The following PIBF1 variants were observed in gnomAD, a reference collection of about 807,000 sequenced individuals.
The protein encoded by PIBF1 is progesterone immunomodulatory binding factor 1.
Under a neutral mutation model 112.5 loss-of-function variants are expected in PIBF1, and 90 were observed. That is an observed-to-expected ratio of 0.80 (90% confidence interval 0.67 to 0.95). The LOEUF (loss-of-function observed/expected upper bound fraction) is 0.95. Ranked by LOEUF, PIBF1 falls within the 40% of genes least tolerant of loss-of-function variation. The pLI is 0.00. For synonymous variants in PIBF1, 301 were observed against 288.6 expected (o/e 1.04, Z -0.44); for missense variants, 915 against 852.3 (o/e 1.07, Z -0.92).
At chr13:73,013,864 G>A (rs778729787) in intron 17 of PIBF1, among the ~76,000 whole-genome samples, 1 of 152,056 alleles carries the variant, frequency 6.6e-6, no homozygotes, top group Non-Finnish European at 1.5e-5. Flanking sequence ...CAAGGAAAGA[G>A]TGGAGTGAAA....
intron 16 of PIBF1, among the ~76,000 whole-genome samples, chr13:72,991,837 G>A (rs1162646130): frequency 6.6e-6 from 1 of 151,832 alleles, no homozygotes; most frequent in Non-Finnish European, 1.5e-5. Context: ...TCCTGCCTCA[G>A]CCTCCCGAGT....
Position 72,973,627 on chromosome 13 carries a change from G to A in PIBF1, c.2001G>A (p.Thr667=), listed in dbSNP as rs753624727. 8.9e-6 allele frequency: 14 copies of A among 1,575,624 alleles called. No homozygotes were observed. In the Admixed American group the frequency reaches 1.5e-4, roughly 17 times the overall value. The change falls in exon 16 of 18, where the codon ACG becomes ACA. Residue 667 remains threonine, a synonymous_variant. Transcript: ENST00000326291. The part of the protein sequence containing the change: ...LNKEKSALLQ[T]KNQMALDLEQ... Reference sequence around the variant, plus strand: ...AAGAAAAGTCAGCTTTACTACAGACGAAGAATCAAATGGCATTAGATTTAG... The same window carrying A: ...AAGAAAAGTCAGCTTTACTACAGACAAAGAATCAAATGGCATTAGATTTAG...
intron 10 of PIBF1, among the ~76,000 whole-genome samples, chr13:72,886,336 G>T (rs982374823): frequency 6.6e-6 from 1 of 151,794 alleles, no homozygotes; most frequent in Non-Finnish European, 1.5e-5. Context: ...AATACTCTTG[G>T]TTCGGAGGAT....
chr13:72,948,757 AAAC>A (rs1475178754), intron 14 of PIBF1, among the ~76,000 whole-genome samples: 1 of 152,212 alleles, frequency 6.6e-6, no homozygotes, highest in Admixed American at 6.5e-5. Context: ...AAGGGTAAGC[AAAC>A]AACATGTCTT....
chr13:72,802,227 A>G (rs2035521440), intron 5 of PIBF1, among the ~76,000 whole-genome samples: 1 of 152,140 alleles, frequency 6.6e-6, no homozygotes, highest in Non-Finnish European at 1.5e-5. Flanking sequence ...AGTCTATTTA[A>G]GGTATCATTC....
At chr13:72,854,530 G>C (rs1381317546) in intron 10 of PIBF1, among the ~76,000 whole-genome samples, 1 of 152,058 alleles carries the variant, frequency 6.6e-6, no homozygotes, top group South Asian at 2.1e-4. Context: ...AAATACTCTT[G>C]TGTCCAGGTT....
chr13:72,957,859 G>A (rs1363004879), intron 14 of PIBF1, among the ~76,000 whole-genome samples: 1 of 152,042 alleles, frequency 6.6e-6, no homozygotes, highest in Non-Finnish European at 1.5e-5. Flanking sequence ...TGAAGTGGAA[G>A]GAGGATTGCT....
chr13:72,872,791 G>A (rs576576045), intron 10 of PIBF1, among the ~76,000 whole-genome samples: 1 of 152,206 alleles, frequency 6.6e-6, no homozygotes, highest in South Asian at 2.1e-4. Context: ...ATTTCTGTAT[G>A]TTAGCGCTAT....
intron 11 of PIBF1, among the ~76,000 whole-genome samples, chr13:72,906,446 A>T (rs1335227470): frequency 6.6e-6 from 1 of 152,124 alleles, no homozygotes; most frequent in East Asian, 1.9e-4. Context: ...TTTAAACTGA[A>T]ATGTTCATGT....
intron 14 of PIBF1, among the ~76,000 whole-genome samples, chr13:72,938,624 A>G (rs1414063261): frequency 1.3e-5 from 2 of 152,168 alleles, no homozygotes; most frequent in African/African-American, 2.4e-5. Flanking sequence ...TCTGTTTTGA[A>G]TAGTGCTGCT....
At chr13:72,927,948 T>TATATATATATATATATATAC in intron 13 of PIBF1, among the ~76,000 whole-genome samples, 1 of 65,554 alleles carries the variant, frequency 1.5e-5, no homozygotes, top group Non-Finnish European at 2.7e-5. Context: ...TATGTGTGTA[T>TATATATATATATATATATAC]ATATATATAT....
At chr13:72,865,508 C>T (rs1406864367) in intron 10 of PIBF1, among the ~76,000 whole-genome samples, 1 of 152,166 alleles carries the variant, frequency 6.6e-6, no homozygotes. Context: ...AATCTATCTA[C>T]TGTTATCTTT....
At chr13:72,952,049 T>A (rs2042313842) in intron 14 of PIBF1, among the ~76,000 whole-genome samples, 1 of 149,750 alleles carries the variant, frequency 6.7e-6, no homozygotes, top group Non-Finnish European at 1.5e-5. Context: ...TTTTTTTTTT[T>A]TTTGAGATGG....
intron 10 of PIBF1, among the ~76,000 whole-genome samples, chr13:72,884,158 G>A (rs2039754297): frequency 6.6e-6 from 1 of 152,114 alleles, no homozygotes; most frequent in African/African-American, 2.4e-5. Flanking sequence ...TTAGCAGTTT[G>A]GAGATGATTA....
At chr13:72,802,379 A>G (rs1425293937) in intron 5 of PIBF1, among the ~76,000 whole-genome samples, 1 of 152,192 alleles carries the variant, frequency 6.6e-6, no homozygotes, top group Non-Finnish European at 1.5e-5. Flanking sequence ...AGCTATAAGG[A>G]TGGAAACAAA....
intron 5 of PIBF1, among the ~76,000 whole-genome samples, chr13:72,821,151 A>G (rs189898515): frequency 3.3e-5 from 5 of 152,290 alleles, no homozygotes; most frequent in African/African-American, 1.2e-4. Flanking sequence ...TCAGATCTCC[A>G]TTAGGGTTGG....
chr13:72,873,068 C>A (rs2039233102), intron 10 of PIBF1, among the ~76,000 whole-genome samples: 1 of 152,054 alleles, frequency 6.6e-6, no homozygotes, highest in Non-Finnish European at 1.5e-5. Flanking sequence ...ACTCAGCAGA[C>A]TTTTTTTGTA....
chr13:72,866,934 A>G (rs1015624349), intron 10 of PIBF1, among the ~76,000 whole-genome samples: 1 of 152,144 alleles, frequency 6.6e-6, no homozygotes, highest in Non-Finnish European at 1.5e-5. Context: ...TTATTGCTAG[A>G]TGTGAAGATA....
chr13:72,840,168 G>A (rs1180014894), intron 9 of PIBF1, among the ~76,000 whole-genome samples: 2 of 152,040 alleles, frequency 1.3e-5, no homozygotes, highest in Non-Finnish European at 1.5e-5. Context: ...TAATCTTTGG[G>A]GATCATAGTT....
Sources: gnomAD v4.1 joint callset for allele counts (sites outside exome capture counted in the v4.1 genomes callset) on GRCh38, gnomAD v4.1.1 for gene constraint, MANE v1.5 for transcripts, NCBI Gene and HGNC (gene_info 2026-07-23, HGNC 2026-07-21) for gene names.